MERTK: variants seen among roughly 807,000 people sequenced by gnomAD.
MERTK encodes the protein tyrosine-protein kinase Mer.
A neutral mutation model predicts 99.3 loss-of-function variants in MERTK; 69 were observed. That is an observed-to-expected ratio of 0.70 (90% CI 0.57 to 0.85). The LOEUF (loss-of-function observed/expected upper bound fraction) is 0.85, where lower values mean the gene tolerates loss of function less well. Ranked by LOEUF, MERTK falls within the 40% of genes least tolerant of loss-of-function variation. MERTK has a pLI of 0.00. For missense variants in MERTK, 1,125 were observed against 1,249.4 expected (o/e 0.90, Z 1.50); for synonymous variants, 426 against 467.6 (o/e 0.91, Z 1.15).
At chr2:112,019,088 C>T (rs1677278011) in intron 15 of MERTK, among the ~76,000 whole-genome samples, 2 of 152,088 alleles carry the variant, frequency 1.3e-5, no homozygotes, top group Non-Finnish European at 2.9e-5. Flanking sequence ...CTGTGCAATG[C>T]GTGTGCTCTG....
intron 10 of MERTK, among the ~76,000 whole-genome samples, chr2:111,997,881 A>G (rs1348437890): frequency 1.3e-5 from 2 of 152,220 alleles, no homozygotes; most frequent in African/African-American, 4.8e-5. Flanking sequence ...GCAAAATGTC[A>G]TCTCTACAGA....
At chr2:111,966,981 C>G (rs1685370015) in intron 5 of MERTK, among the ~76,000 whole-genome samples, 1 of 152,194 alleles carries the variant, frequency 6.6e-6, no homozygotes, top group Non-Finnish European at 1.5e-5. Context: ...CACCACAGCT[C>G]CATGGAGCAG....
intron 2 of MERTK, among the ~76,000 whole-genome samples, chr2:111,933,421 G>A (rs566902819): frequency 6.6e-6 from 1 of 152,328 alleles, no homozygotes; most frequent in African/African-American, 2.4e-5. Context: ...CATCTATGTG[G>A]ACTATGTTTA....
chr2:111,914,116 T>C (rs1306122949), intron 1 of MERTK, among the ~76,000 whole-genome samples: 28 of 141,638 alleles, frequency 2.0e-4, no homozygotes, highest in Admixed American at 1.0e-3. Context: ...TTTTTTTTTT[T>C]TTTTTTTGAG....
rs540164125 is a variant in MERTK, at chr2:112,006,458, A to G, written c.1868-1925A>G. On this transcript the variant is annotated intron_variant, in intron 13 of 18. Coordinates refer to ENST00000295408, the MANE Select transcript of MERTK (RefSeq NM_006343.3). Reference sequence around the variant, plus strand: ...AACCAAGCACTGAGCCATATTCTGCACTGTTCCTGCCTCTTGTATGATTTT... The same window carrying G: ...AACCAAGCACTGAGCCATATTCTGCGCTGTTCCTGCCTCTTGTATGATTTT... Among the ~76,000 whole-genome samples, 6 of 152,282 alleles carry G rather than the reference A, an allele frequency of 3.9e-5. No homozygotes were observed. In the South Asian group the frequency reaches 1.0e-3, roughly 26 times the overall value.
chr2:111,975,189 C>T (rs556886128), intron 6 of MERTK, 100 bp from the exon 7 acceptor site: 284 of 1,132,874 alleles, frequency 2.5e-4, no homozygotes, highest in Non-Finnish European at 2.5e-4. Flanking sequence ...TTCCCCTTAG[C>T]GTAGAGGAAG....
intron 7 of MERTK, among the ~76,000 whole-genome samples, chr2:111,980,210 T>C (rs1475145987): frequency 6.6e-6 from 1 of 151,744 alleles, no homozygotes; most frequent in Admixed American, 6.6e-5. Flanking sequence ...GAAGGTAGAG[T>C]CCTTGTTATT....
chr2:111,944,938 C>T, intron 2 of MERTK, 22 bp from the exon 3 acceptor site: 1 of 1,597,444 alleles, frequency 6.3e-7, no homozygotes, highest in Non-Finnish European at 8.6e-7. Context: ...CTGTAAATAT[C>T]TTCATGTGTT....
At chr2:111,970,287 G>A (rs1350774029) in intron 6 of MERTK, among the ~76,000 whole-genome samples, 1 of 151,754 alleles carries the variant, frequency 6.6e-6, no homozygotes, top group Non-Finnish European at 1.5e-5. Context: ...CACCCGAGTA[G>A]CTGGGACTAC....
intron 4 of MERTK, among the ~76,000 whole-genome samples, chr2:111,962,496 G>A (rs1685269108): frequency 6.6e-6 from 1 of 151,858 alleles, no homozygotes; most frequent in Non-Finnish European, 1.5e-5. Flanking sequence ...AGTGAGTCTC[G>A]ACCTCAAGAA....
At chr2:111,991,541 G>GA (rs1676615751) in intron 8 of MERTK, among the ~76,000 whole-genome samples, 1 of 151,350 alleles carries the variant, frequency 6.6e-6, no homozygotes, top group Admixed American at 6.6e-5. Flanking sequence ...CTGTATTTCT[G>GA]AAAAAGGTAT....
chr2:111,911,236 T>C (rs929251527), intron 1 of MERTK, among the ~76,000 whole-genome samples: 1 of 152,130 alleles, frequency 6.6e-6, no homozygotes, highest in African/African-American at 2.4e-5. Context: ...ATATAAATAG[T>C]ATGCTTTCTT....
intron 1 of MERTK, among the ~76,000 whole-genome samples, chr2:111,913,225 G>T (rs893810497): frequency 2.0e-4 from 30 of 152,310 alleles, no homozygotes; most frequent in African/African-American, 7.2e-4. Context: ...TCAATTTGGG[G>T]AGAATTGATA....
intron 8 of MERTK, among the ~76,000 whole-genome samples, chr2:111,983,374 C>T (rs1202050429): frequency 1.3e-5 from 2 of 152,122 alleles, no homozygotes; most frequent in Non-Finnish European, 2.9e-5. Context: ...AGCAGTCCAG[C>T]AATTCATGGC....
At position 112,028,458 on chromosome 2, in the gene MERTK, G is replaced by A. The variant is rs546088670; in HGVS notation, c.2594G>A (p.Arg865Gln). 7.2e-5 allele frequency: 116 copies of A among 1,614,140 alleles called. No homozygotes were observed. Among genetic ancestry groups the A allele is most frequent in the Non-Finnish European group, 9.1e-5 (107 of 1,180,030 alleles). ...EKLLESLPDV[R>Q]NQADVIYVNT... ...CTCTTAGAAAGTTTGCCTGACGTTC[G>A]GAACCAAGCAGACGTTATTTACGTC... Residue 865 changes from arginine (R) to glutamine (Q), a missense_variant, in exon 19 of 19, where the codon CGG becomes CAG. Coordinates refer to ENST00000295408, the MANE Select transcript of MERTK (RefSeq NM_006343.3).
chr2:111,945,140 C>CTA (rs1684942306), intron 3 of MERTK, 80 bp downstream of exon 3: 3 of 1,155,330 alleles, frequency 2.6e-6, no homozygotes, highest in Non-Finnish European at 1.3e-6. Flanking sequence ...GTATAATACT[C>CTA]TAGAGTTTTG....
At chr2:111,980,789 C>T (rs1676355427) in intron 7 of MERTK, among the ~76,000 whole-genome samples, 1 of 152,164 alleles carries the variant, frequency 6.6e-6, no homozygotes, top group Admixed American at 6.5e-5. Context: ...ACTACCTGGG[C>T]CCACAGCTTC....
At chr2:111,916,733 A>C (rs972760011) in intron 1 of MERTK, among the ~76,000 whole-genome samples, 4 of 151,978 alleles carry the variant, frequency 2.6e-5, no homozygotes, top group Admixed American at 1.3e-4. Flanking sequence ...TCTGCTTGAG[A>C]TCAGTTTTAT....
chr2:112,009,145 A>G (rs62162481), intron 14 of MERTK, among the ~76,000 whole-genome samples: 10,188 of 152,296 alleles, frequency 0.067, 847 homozygotes, highest in East Asian at 0.46. Context: ...CTGTGACTGC[A>G]TACATGCTAA....
Sources: allele counts gnomAD v4.1 joint callset (sites outside exome capture counted in the v4.1 genomes callset), GRCh38; gene constraint gnomAD v4.1.1; transcripts MANE v1.5; gene names NCBI Gene and HGNC (gene_info 2026-07-23, HGNC 2026-07-21).